ANKRD17: variants seen among roughly 807,000 people sequenced by gnomAD.
ANKRD17 encodes the protein ankyrin repeat domain-containing protein 17.
ANKRD17 carries 19 observed loss-of-function variants against 229.7 expected under a neutral mutation model. The observed-to-expected ratio is 0.08, with a 90% CI of 0.06 to 0.12. The LOEUF is 0.12. Among genes scored for constraint, ANKRD17 ranks in the 10% least tolerant of loss-of-function variants. ANKRD17 has a pLI of 1.00. For synonymous variants in ANKRD17, 1,112 were observed against 1,146.1 expected (o/e 0.97, Z 0.60); for missense variants, 2,176 against 3,176.8 (o/e 0.68, Z 7.57).
Position 73,076,160 on chromosome 4 carries a change from A to T in ANKRD17, c.*71T>A. 7.6e-6 allele frequency: 10 copies of T among 1,308,936 alleles called. No individual in the cohort carries two copies. Among genetic ancestry groups the T allele is most frequent in the Non-Finnish European group, 1.1e-5 (10 of 948,894 alleles). The allele number at this position is 1,308,936 out of a possible 1,614,324, so 81.1% of individuals were successfully genotyped here. A position where few individuals can be genotyped will look rare whatever the true frequency, so the allele number is the denominator to read the frequency against. On this transcript the variant is annotated 3_prime_UTR_variant, in exon 34 of 34. Transcript: ENST00000358602. ...ATCAGTAGAATGATTTGGGAGCATA[A>T]TTTTTTTTTTCGGCCACTTGTGATT...
rs780400703 is a variant in ANKRD17, at chr4:73,075,620, G to A, written c.*611C>T. The A allele has an allele frequency of 2.6e-5, 4 of 152,624 alleles. No individual in the cohort carries two copies. Among genetic ancestry groups the A allele is most frequent in the Non-Finnish European group, 5.9e-5 (4 of 68,022 alleles). 9.5% of individuals were successfully genotyped at this position (152,624 alleles called of 1,614,324 possible). On this transcript the variant is annotated 3_prime_UTR_variant, in exon 34 of 34. Transcript: ENST00000358602. ...CAAGATGGGTATTTTAAAAGCCAAT[G>A]TGGGGAAACATCCAATGATAATGCC...
At chr4:73,234,899 A>G (rs919536940) in intron 1 of ANKRD17, among the ~76,000 whole-genome samples, 2 of 152,138 alleles carry the variant, frequency 1.3e-5, no homozygotes, top group Non-Finnish European at 2.9e-5. Context: ...GTATTACCCA[A>G]CTGCCCACTA....
At chr4:73,176,377 G>A (rs1734736811) in intron 2 of ANKRD17, among the ~76,000 whole-genome samples, 1 of 152,062 alleles carries the variant, frequency 6.6e-6, no homozygotes, top group South Asian at 2.1e-4. Context: ...ACAACCATAT[G>A]GAGAACAGTT....
chr4:73,248,899 G>A (rs1744738647), intron 1 of ANKRD17, among the ~76,000 whole-genome samples: 1 of 151,742 alleles, frequency 6.6e-6, no homozygotes, highest in Non-Finnish European at 1.5e-5. Context: ...TATACTAGAG[G>A]CTTTGAAACA....
rs1729415196 is a variant in ANKRD17 at position 73,140,052 on chromosome 4, C to T, written c.2564G>A (p.Arg855Lys). The change falls in exon 15 of 34, where the codon AGG becomes AAG. Residue 855 changes from arginine (R) to lysine (K), a missense_variant. This residue lies in a region of ANKRD17 where 275 missense variants were observed against 386.9 expected (regional missense o/e 0.71). Coordinates refer to ENST00000358602, the MANE Select transcript of ANKRD17 (RefSeq NM_032217.5). ...TTGTTTCTTCTGAATTTGTTCCTCC[C>T]TTGTTTTGTTGAGCTCCTCGATCTT... ...KEKIEELNKT[R>K]EEQIQKKQKI... 3 of 1,614,032 alleles carry T rather than the reference C, an allele frequency of 1.9e-6. No homozygotes were observed. Among genetic ancestry groups the T allele is most frequent in the African/African-American group, 1.3e-5 (1 of 74,910 alleles).
chr4:73,241,314 A>C (rs1279096906), intron 1 of ANKRD17, among the ~76,000 whole-genome samples: 1 of 152,202 alleles, frequency 6.6e-6, no homozygotes, highest in African/African-American at 2.4e-5. Context: ...TAAATGAATA[A>C]AATGTAAAAG....
intron 1 of ANKRD17, among the ~76,000 whole-genome samples, chr4:73,184,263 G>T (rs752648949): frequency 1.2e-4 from 18 of 152,078 alleles, no homozygotes; most frequent in Non-Finnish European, 2.2e-4. Flanking sequence ...GGGTGCGGTG[G>T]CTCACGCCTA....
chr4:73,225,024 C>T (rs762058308), intron 1 of ANKRD17, among the ~76,000 whole-genome samples: 9 of 152,190 alleles, frequency 5.9e-5, no homozygotes, highest in Non-Finnish European at 1.2e-4. Flanking sequence ...TGTTTTACCT[C>T]ATACCATACC....
intron 1 of ANKRD17, among the ~76,000 whole-genome samples, chr4:73,212,772 T>C (rs189804413): frequency 6.6e-6 from 1 of 152,144 alleles, no homozygotes; most frequent in African/African-American, 2.4e-5. Flanking sequence ...TACCGGCACT[T>C]TGGGAGGCCA....
rs1184332964 is a variant in ANKRD17, at chr4:73,091,623, A to G, written c.6005T>C (p.Val2002Ala). ...TGTGGTGGCATTGGATGTCTTCACA[A>G]CTGTGACAAAAAGCTGCCTTCGGAC... ...PSVRRQLFVT[V>A]VKTSNATTTT... Residue 2002 changes from valine (V) to alanine (A), a missense_variant, in exon 29 of 34, where the codon GTT becomes GCT. Val to Ala is a moderately conservative substitution (Grantham distance 64). Transcript: ENST00000358602. 1 of 1,614,168 alleles carries G rather than the reference A, an allele frequency of 6.2e-7. No homozygotes were observed. The highest frequency in any genetic ancestry group is 1.1e-5 in the South Asian group (1 of 91,086).
intron 1 of ANKRD17, among the ~76,000 whole-genome samples, chr4:73,217,589 T>C (rs894074411): frequency 6.6e-6 from 1 of 152,144 alleles, no homozygotes; most frequent in Non-Finnish European, 1.5e-5. Context: ...CTTGAACTCC[T>C]GGGCTCAAGC....
In ANKRD17 at chr4:73,097,255, C is replaced by T; in HGVS notation, c.5039G>A (p.Ser1680Asn). 6.3e-7 allele frequency: 1 copy of T among 1,578,446 alleles called. No homozygotes were observed. The highest frequency in any genetic ancestry group is 8.6e-7 in the Non-Finnish European group (1 of 1,167,296). The change falls in exon 27 of 34, where the codon AGT becomes AAT. Residue 1680 changes from serine (S) to asparagine (N), a missense_variant. Ser to Asn is a conservative substitution (Grantham distance 46). Transcript: ENST00000358602. ...AGATAGAGAATTACTGGTCCCTTCA[C>T]TGATAGTTTCTGACAATCTTTAACA... ...KASIKLSETI[S>N]EGTSNSLSTC...
intron 2 of ANKRD17, among the ~76,000 whole-genome samples, chr4:73,162,970 C>T (rs1732734185): frequency 6.6e-6 from 1 of 151,862 alleles, no homozygotes; most frequent in Non-Finnish European, 1.5e-5. Context: ...AGTGATCCCC[C>T]ACTTTGGCCT....
intron 2 of ANKRD17, among the ~76,000 whole-genome samples, chr4:73,175,641 G>A (rs1311025668): frequency 1.3e-5 from 2 of 152,030 alleles, no homozygotes; most frequent in African/African-American, 4.8e-5. Flanking sequence ...GAAAACCCAG[G>A]AATAAATCCA....
At chr4:73,123,627 A>G (rs1727047347) in intron 18 of ANKRD17, among the ~76,000 whole-genome samples, 1 of 152,140 alleles carries the variant, frequency 6.6e-6, no homozygotes, top group African/African-American at 2.4e-5. Context: ...AATTTACAAA[A>G]TGAAGGATGA....
Position 73,258,682 on chromosome 4 carries a change from G to A in ANKRD17, c.-14C>T. ...CGCCTTCTCCATCCCCAGGGAAAGA[G>A]GGAGGGCGCGGACGGGGGAGGGGCG... On this transcript the variant is annotated 5_prime_UTR_variant, in exon 1 of 34. Coordinates refer to ENST00000358602, the MANE Select transcript of ANKRD17 (RefSeq NM_032217.5). The A allele has an allele frequency of 4.1e-6, 6 of 1,453,878 alleles. No individual in the cohort carries two copies. Among genetic ancestry groups the A allele is most frequent in the Non-Finnish European group, 5.4e-6 (6 of 1,113,478 alleles). The allele number at this position is 1,453,878 out of a possible 1,614,324, so 90.1% of individuals were successfully genotyped here.
intron 30 of ANKRD17, among the ~76,000 whole-genome samples, chr4:73,084,302 A>G (rs747614018): frequency 2.0e-5 from 3 of 152,128 alleles, no homozygotes; most frequent in Non-Finnish European, 4.4e-5. Flanking sequence ...CGCTTGAGCC[A>G]TTGCACTACA....
intron 1 of ANKRD17, among the ~76,000 whole-genome samples, chr4:73,198,925 T>C (rs1464571499): frequency 6.6e-6 from 1 of 152,132 alleles, no homozygotes; most frequent in Non-Finnish European, 1.5e-5. Flanking sequence ...ACGTAAAACT[T>C]GTAACACATA....
rs567736719 is a variant in ANKRD17, at chr4:73,245,158, G to A, written c.393+13118C>T. On this transcript the variant is annotated intron_variant, in intron 1 of 33. Coordinates refer to ENST00000358602, the MANE Select transcript of ANKRD17 (RefSeq NM_032217.5). The stretch of plus-strand genomic sequence containing the variant: ...AGGAAATAACTTTGTGAGTTCAAGG[G>A]TTCTCTGTCAGGTAGTAGCAAAGAT... Among the ~76,000 whole-genome samples, 174 of 152,284 alleles carry A rather than the reference G, an allele frequency of 1.1e-3. 2 individuals carry two copies. The highest frequency in any genetic ancestry group is 8.5e-3 in the South Asian group (41 of 4,820).
Sources: gnomAD v4.1 joint callset for allele counts (sites outside exome capture counted in the v4.1 genomes callset) on GRCh38, gnomAD v4.1.1 for gene constraint, gnomAD v4.1.1 regional missense constraint, MANE v1.5 for transcripts, NCBI Gene and HGNC (gene_info 2026-07-23, HGNC 2026-07-21) for gene names.